The following C12orf42 variants were observed in gnomAD, a reference collection of about 807,000 sequenced individuals.
C12orf42 encodes chromosome 12 open reading frame 42.
A neutral mutation model predicts 21.6 loss-of-function variants in C12orf42; 25 were observed. The observed-to-expected ratio is 1.16, with a 90% CI of 0.84 to 1.62. The LOEUF (loss-of-function observed/expected upper bound fraction) is 1.62. C12orf42 is among the 40% of genes most tolerant of loss of function. The probability of loss-of-function intolerance (pLI) is 0.00; values close to 1 mark genes in which losing one functional copy is unlikely to be tolerated. For missense variants in C12orf42, 483 were observed against 459.3 expected, an observed-to-expected ratio of 1.05 and a Z score of -0.47; for synonymous variants, 174 against 175.0, an observed-to-expected ratio of 0.99 and a Z score of 0.05.
At chr12:103,534,439 TG>T in the C12orf42 span, among the ~76,000 whole-genome samples, 1 of 152,160 alleles carries the variant, frequency 6.6e-6, no homozygotes, top group Non-Finnish European at 1.5e-5. Flanking sequence ...TACTACTTTC[TG>T]GGTATGAGTC....
chr12:103,098,277 C>A, the C12orf42 span, among the ~76,000 whole-genome samples: 2 of 152,026 alleles, frequency 1.3e-5, no homozygotes, highest in East Asian at 3.9e-4. Flanking sequence ...TAACCATGGG[C>A]AGATTGGTTA....
intron 4 of C12orf42, among the ~76,000 whole-genome samples, chr12:103,334,116 T>C (rs578239721): frequency 2.0e-5 from 3 of 152,336 alleles, no homozygotes; most frequent in East Asian, 3.9e-4. Flanking sequence ...TTTGGGACAA[T>C]GTAAAATCCG....
At chr12:103,080,612 G>A in the C12orf42 span, among the ~76,000 whole-genome samples, 2 of 151,880 alleles carry the variant, frequency 1.3e-5, no homozygotes, top group African/African-American at 4.8e-5. Context: ...AATTATATGT[G>A]AACACAAACT....
At chr12:103,450,467 T>G (rs548148005) in intron 2 of C12orf42, among the ~76,000 whole-genome samples, 2 of 152,260 alleles carry the variant, frequency 1.3e-5, no homozygotes, top group South Asian at 4.1e-4. Flanking sequence ...TTTTCTCTCA[T>G]GTTTTCTTTC....
chr12:103,416,045 T>TTA (rs5800587), intron 2 of C12orf42, among the ~76,000 whole-genome samples: 1 of 151,426 alleles, frequency 6.6e-6, no homozygotes, highest in African/African-American at 2.4e-5. Flanking sequence ...TTTTTTTTTT[T>TTA]ATTGGCCTTT....
chr12:103,561,709 AC>A, the C12orf42 span, among the ~76,000 whole-genome samples: 16 of 152,188 alleles, frequency 1.1e-4, no homozygotes, highest in African/African-American at 1.4e-4. Context: ...AAAGAACTGC[AC>A]CCTTACCCTT....
At chr12:103,401,146 C>T (rs1242428879) in intron 3 of C12orf42, among the ~76,000 whole-genome samples, 1 of 152,002 alleles carries the variant, frequency 6.6e-6, no homozygotes, top group Non-Finnish European at 1.5e-5. Flanking sequence ...TTGGCTCTCA[C>T]CAAGAAAAAG....
At chr12:103,127,219 C>G in the C12orf42 span, among the ~76,000 whole-genome samples, 2 of 152,260 alleles carry the variant, frequency 1.3e-5, no homozygotes, top group Middle Eastern at 6.8e-3. Flanking sequence ...CAGAAAATAT[C>G]ACTAAGTTTT....
the C12orf42 span, among the ~76,000 whole-genome samples, chr12:103,125,754 TC>T: frequency 1.3e-5 from 2 of 151,968 alleles, no homozygotes; most frequent in African/African-American, 2.4e-5. Context: ...CTTTCCTAAC[TC>T]CCATTAAAAC....
At chr12:103,071,517 G>C in the C12orf42 span, among the ~76,000 whole-genome samples, 1 of 152,056 alleles carries the variant, frequency 6.6e-6, no homozygotes, top group South Asian at 2.1e-4. Context: ...ATCTCACCTT[G>C]AATTGTAATA....
chr12:103,373,674 C>T (rs2045455876), intron 3 of C12orf42, among the ~76,000 whole-genome samples: 1 of 152,158 alleles, frequency 6.6e-6, no homozygotes, highest in South Asian at 2.1e-4. Context: ...AATGTACCAC[C>T]ACTGCAGACC....
chr12:103,344,487 A>T (rs1440918215), intron 4 of C12orf42, among the ~76,000 whole-genome samples: 4 of 152,116 alleles, frequency 2.6e-5, no homozygotes, highest in Admixed American at 1.3e-4. Flanking sequence ...CCAATTGGTG[A>T]CATAATGACA....
chr12:103,368,292 TTC>T lies in C12orf42; in HGVS notation c.259+593_259+594del, dbSNP rs574082592. ...TACTATTCTCTCTCTTTATCTGCCT[TTC>T]TCTCTCTTTCTGTCTCTCTCTCTCA... On this transcript the variant is annotated intron_variant, in intron 4 of 5. Transcript: ENST00000548883. Among the ~76,000 whole-genome samples, 816 of 144,098 alleles carry T rather than the reference TTC, an allele frequency of 5.7e-3. 2 individuals are homozygous for T. The highest frequency in any genetic ancestry group is 8.9e-3 in the Non-Finnish European group (598 of 66,918). The allele number at this position is 144,098 out of a possible 152,430, so 94.5% of individuals were successfully genotyped here.
chr12:103,310,897 AAAAC>A (rs1240825673), intron 4 of C12orf42, among the ~76,000 whole-genome samples: 12 of 152,356 alleles, frequency 7.9e-5, no homozygotes, highest in African/African-American at 2.6e-4. Flanking sequence ...ATCTTAAAGG[AAAAC>A]AAACAACACT....
At chr12:103,406,789 AAAC>A (rs2048458541) in intron 2 of C12orf42, among the ~76,000 whole-genome samples, 1 of 152,198 alleles carries the variant, frequency 6.6e-6, no homozygotes, top group Admixed American at 6.5e-5. Flanking sequence ...AAGAATCAGT[AAAC>A]ACTTCTTGGA....
chr12:103,429,777 G>T (rs961680268), intron 2 of C12orf42, among the ~76,000 whole-genome samples: 1 of 152,088 alleles, frequency 6.6e-6, no homozygotes, highest in African/African-American at 2.4e-5. Flanking sequence ...CAGATACATA[G>T]ACCAATAGAA....
At chr12:103,281,645 C>T (rs966215622) in intron 4 of C12orf42, among the ~76,000 whole-genome samples, 4 of 151,742 alleles carry the variant, frequency 2.6e-5, no homozygotes, top group African/African-American at 4.8e-5. Flanking sequence ...CGTGAGCCAC[C>T]GTGCCTGGTC....
chr12:103,345,318 C>A (rs985721805), intron 4 of C12orf42, among the ~76,000 whole-genome samples: 2 of 152,170 alleles, frequency 1.3e-5, no homozygotes, highest in African/African-American at 4.8e-5. Context: ...TCATAGGATT[C>A]CTGTGAGGAT....
intron 4 of C12orf42, among the ~76,000 whole-genome samples, chr12:103,295,505 T>C (rs2037205632): frequency 6.6e-6 from 1 of 152,140 alleles, no homozygotes; most frequent in Admixed American, 6.6e-5. Context: ...TTGGCCAAAT[T>C]GTATGTCTCC....
Sources: allele counts gnomAD v4.1 joint callset (sites outside exome capture counted in the v4.1 genomes callset), GRCh38; gene constraint gnomAD v4.1.1; transcripts MANE v1.5; gene names NCBI Gene and HGNC (gene_info 2026-07-23, HGNC 2026-07-21).